The following MACO1 variants were observed in gnomAD, a reference collection of about 807,000 sequenced individuals.
MACO1 encodes the protein macoilin.
A neutral mutation model predicts 78.7 loss-of-function variants in MACO1; 14 were observed. That is an observed-to-expected ratio of 0.18 (90% CI 0.12 to 0.28). The LOEUF is 0.28. MACO1 is among the 10% of genes least tolerant of loss of function. MACO1 has a pLI of 1.00. For synonymous variants in MACO1, 288 were observed against 291.6 expected (o/e 0.99, Z 0.12); for missense variants, 501 against 799.0 (o/e 0.63, Z 4.50).
At chr1:25,448,702 C>T in intron 2 of MACO1, 106 bp from the exon 3 acceptor site, 1 of 1,068,728 alleles carries the variant, frequency 9.4e-7, no homozygotes, top group Non-Finnish European at 1.3e-6. Flanking sequence ...ACCAAGTTAT[C>T]TCTTAGCAGT....
intron 9 of MACO1, among the ~76,000 whole-genome samples, chr1:25,489,837 G>A (rs2043468767): frequency 6.6e-6 from 1 of 152,116 alleles, no homozygotes; most frequent in Non-Finnish European, 1.5e-5. Flanking sequence ...TGGGACAAGT[G>A]AAAAATTACT....
At chr1:25,439,851 T>C (rs886885188) in intron 1 of MACO1, among the ~76,000 whole-genome samples, 1 of 151,640 alleles carries the variant, frequency 6.6e-6, no homozygotes, top group Non-Finnish European at 1.5e-5. Context: ...AAACCCCGTC[T>C]CTACTAAAAA....
intron 8 of MACO1, 77 bp from the exon 9 acceptor site, chr1:25,489,096 C>A (rs911288767): frequency 6.6e-7 from 1 of 1,511,798 alleles, no homozygotes; most frequent in Non-Finnish European, 8.9e-7. Flanking sequence ...GCTGGGATTA[C>A]AGGCCTGAGT....
chr1:25,443,077 T>C (rs1327518924), intron 1 of MACO1, among the ~76,000 whole-genome samples: 1 of 152,242 alleles, frequency 6.6e-6, no homozygotes, highest in Non-Finnish European at 1.5e-5. Flanking sequence ...CTTAAATCCC[T>C]GTCTAATTTT....
intron 5 of MACO1, 38 bp downstream of exon 5, chr1:25,456,869 A>G (rs770895792): frequency 1.3e-6 from 2 of 1,542,120 alleles, no homozygotes; most frequent in South Asian, 2.5e-5. Flanking sequence ...TCAATAGGCT[A>G]GTCATTATTT....
chr1:25,444,153 G>A (rs2042995485), intron 1 of MACO1, among the ~76,000 whole-genome samples: 1 of 151,680 alleles, frequency 6.6e-6, no homozygotes, highest in South Asian at 2.1e-4. Flanking sequence ...CAGCTACTTG[G>A]GAGGCCAAGG....
intron 6 of MACO1, among the ~76,000 whole-genome samples, chr1:25,461,396 A>C (rs1478096510): frequency 6.6e-6 from 1 of 152,162 alleles, no homozygotes; most frequent in Non-Finnish European, 1.5e-5. Context: ...CTATGCAAAG[A>C]ATATAGGTTT....
At chr1:25,464,332 T>C (rs1324172163) in intron 6 of MACO1, among the ~76,000 whole-genome samples, 1 of 139,748 alleles carries the variant, frequency 7.2e-6, no homozygotes, top group Non-Finnish European at 1.5e-5. Context: ...AATTTCTTTT[T>C]CTTCTCTTTT....
intron 6 of MACO1, among the ~76,000 whole-genome samples, chr1:25,459,960 C>G (rs970953159): frequency 6.6e-6 from 1 of 152,104 alleles, no homozygotes; most frequent in Non-Finnish European, 1.5e-5. Context: ...TGAAACTCTC[C>G]CCTTCCAGTA....
At chr1:25,498,183 T>C (rs539902905) in intron 10 of MACO1, 81 bp from the exon 11 acceptor site, 5 of 1,445,122 alleles carry the variant, frequency 3.5e-6, no homozygotes, top group African/African-American at 2.8e-5. Context: ...CTGAACCGAA[T>C]CTACTTAGGG....
At chr1:25,484,384 T>G in intron 7 of MACO1, 110 bp downstream of exon 7, 1 of 1,126,244 alleles carries the variant, frequency 8.9e-7, no homozygotes, top group Non-Finnish European at 1.2e-6. Flanking sequence ...GCTGAGAGGT[T>G]TTTAAATAAA....
chr1:25,444,802 G>A (rs896481739), intron 1 of MACO1, among the ~76,000 whole-genome samples: 2 of 152,036 alleles, frequency 1.3e-5, no homozygotes, highest in African/African-American at 2.4e-5. Context: ...GCCCAGGCTG[G>A]TCTCGAACTC....
intron 6 of MACO1, among the ~76,000 whole-genome samples, chr1:25,462,715 C>T (rs998026519): frequency 1.2e-5 from 1 of 84,552 alleles, no homozygotes; most frequent in Non-Finnish European, 2.8e-5. Flanking sequence ...CATTACTGCT[C>T]CACCAGTTTC....
At chr1:25,462,618 A>G (rs2043181428) in intron 6 of MACO1, among the ~76,000 whole-genome samples, 1 of 152,354 alleles carries the variant, frequency 6.6e-6, no homozygotes, top group Non-Finnish European at 1.5e-5. Context: ...TAATTGCAAC[A>G]CATTCTACAG....
chr1:25,431,634 G>C (rs1176418086), intron 1 of MACO1, among the ~76,000 whole-genome samples: 1 of 152,028 alleles, frequency 6.6e-6, no homozygotes, highest in African/African-American at 2.4e-5. Flanking sequence ...GGGGGGGTGG[G>C]GGAGGCTGAC....
At chr1:25,452,542 T>A (rs528108738) in intron 3 of MACO1, among the ~76,000 whole-genome samples, 1 of 152,348 alleles carries the variant, frequency 6.6e-6, no homozygotes, top group African/African-American at 2.4e-5. Flanking sequence ...TACTTAAGGA[T>A]TATTTTTTTT....
intron 6 of MACO1, among the ~76,000 whole-genome samples, chr1:25,465,963 C>A (rs1234155752): frequency 6.6e-6 from 1 of 152,186 alleles, no homozygotes; most frequent in African/African-American, 2.4e-5. Context: ...TATGGCTGAA[C>A]AATATTCCAT....
At chr1:25,480,309 A>G (rs936822458) in intron 6 of MACO1, among the ~76,000 whole-genome samples, 5 of 152,214 alleles carry the variant, frequency 3.3e-5, no homozygotes, top group Admixed American at 2.6e-4. Flanking sequence ...TAAACTGGGA[A>G]TGCTGGTGTT....
chr1:25,479,790 A>G (rs903386853), intron 6 of MACO1, among the ~76,000 whole-genome samples: 8 of 152,282 alleles, frequency 5.3e-5, no homozygotes, highest in African/African-American at 1.7e-4. Context: ...AGAAAATAGG[A>G]TTGTATAGTA....
Sources: allele counts gnomAD v4.1 joint callset (sites outside exome capture counted in the v4.1 genomes callset), GRCh38; gene constraint gnomAD v4.1.1; transcripts MANE v1.5; gene names NCBI Gene and HGNC (gene_info 2026-07-23, HGNC 2026-07-21).